RNGTT: variants seen among roughly 807,000 people sequenced by gnomAD.
RNGTT encodes the protein mRNA-capping enzyme.
RNGTT carries 33 observed loss-of-function variants against 79.3 expected under a neutral mutation model. The ratio of observed to expected loss-of-function variants is 0.42; its 90% CI spans 0.32 to 0.56. The LOEUF is 0.56. Among genes scored for constraint, RNGTT ranks in the 20% least tolerant of loss-of-function variants. The pLI is 0.17. For synonymous variants in RNGTT, 222 were observed against 235.9 expected, an observed-to-expected ratio of 0.94 and a Z score of 0.54; for missense variants, 497 against 739.1, an observed-to-expected ratio of 0.67 and a Z score of 3.80.
intron 11 of RNGTT, among the ~76,000 whole-genome samples, chr6:88,824,351 T>C (rs1780587292): frequency 6.6e-6 from 1 of 152,210 alleles, no homozygotes; most frequent in African/African-American, 2.4e-5. Context: ...CTGGTAAGTA[T>C]TTATGTATAA....
At chr6:88,728,018 T>G (rs928908856) in intron 13 of RNGTT, among the ~76,000 whole-genome samples, 1 of 152,062 alleles carries the variant, frequency 6.6e-6, no homozygotes, top group Non-Finnish European at 1.5e-5. Flanking sequence ...ATAATGCTGT[T>G]CCTATAGTGG....
intron 14 of RNGTT, among the ~76,000 whole-genome samples, chr6:88,671,841 A>G (rs974352183): frequency 6.6e-6 from 1 of 152,154 alleles, no homozygotes; most frequent in Non-Finnish European, 1.5e-5. Context: ...ACAAATGAAA[A>G]CAGAGTGGGA....
chr6:88,792,337 G>A (rs1779450449), intron 12 of RNGTT, among the ~76,000 whole-genome samples: 1 of 152,064 alleles, frequency 6.6e-6, no homozygotes, highest in African/African-American at 2.4e-5. Context: ...CCTAGTGCAG[G>A]TGAAAAGGAA....
chr6:88,962,752 A>AAT (rs1274716256), intron 1 of RNGTT, among the ~76,000 whole-genome samples: 5 of 151,892 alleles, frequency 3.3e-5, no homozygotes, highest in South Asian at 2.1e-4. Flanking sequence ...ATACATTATA[A>AAT]ATATATATAT....
At chr6:88,888,868 A>G (rs1286710894) in intron 8 of RNGTT, among the ~76,000 whole-genome samples, 2 of 152,140 alleles carry the variant, frequency 1.3e-5, no homozygotes, top group African/African-American at 4.8e-5. Context: ...TGTCTCTACT[A>G]AAAATACAAA....
intron 12 of RNGTT, among the ~76,000 whole-genome samples, chr6:88,797,941 CAAAA>C (rs143559265): frequency 9.1e-5 from 6 of 65,808 alleles, no homozygotes; most frequent in South Asian, 4.8e-4. Context: ...AAGCAAAAGC[CAAAA>C]AAAAAAAAAA....
intron 13 of RNGTT, among the ~76,000 whole-genome samples, chr6:88,747,794 A>G (rs1055127337): frequency 1.3e-5 from 2 of 152,172 alleles, no homozygotes; most frequent in African/African-American, 2.4e-5. Context: ...TCCCTTTCCT[A>G]TGGAGCTATA....
Position 88,781,146 on chromosome 6 carries a change from C to T in RNGTT, c.1339-11272G>A, listed in dbSNP as rs60889347. 9.9e-5 allele frequency among the ~76,000 whole-genome samples: 15 copies of T among 152,272 alleles called. No homozygotes were observed. The East Asian group carries it at 1.5e-3, about 16-fold the overall frequency. ...AGCATTAGTAACGGCAAAGGAGCAA[C>T]GTATTTAGTCCCTCTTTGCCTCTAC... On this transcript the variant is annotated intron_variant, in intron 12 of 15. Coordinates refer to ENST00000369485, the MANE Select transcript of RNGTT (RefSeq NM_003800.5).
intron 12 of RNGTT, among the ~76,000 whole-genome samples, chr6:88,789,944 T>C (rs1467127412): frequency 6.6e-6 from 1 of 152,184 alleles, no homozygotes. Flanking sequence ...CACCACACTA[T>C]AAAAAGTTTC....
At chr6:88,850,790 C>CAT (rs559256951) in intron 9 of RNGTT, among the ~76,000 whole-genome samples, 47 of 151,762 alleles carry the variant, frequency 3.1e-4, no homozygotes, top group Non-Finnish European at 5.9e-4. Flanking sequence ...GTGGATAGGC[C>CAT]AAATGGTATA....
chr6:88,718,512 A>C (rs1776599946), intron 13 of RNGTT, among the ~76,000 whole-genome samples: 1 of 152,162 alleles, frequency 6.6e-6, no homozygotes, highest in African/African-American at 2.4e-5. Flanking sequence ...AATTAAAAAA[A>C]ATAAAGTAGT....
chr6:88,912,388 G>A (rs144936594), intron 4 of RNGTT, among the ~76,000 whole-genome samples: 68 of 152,288 alleles, frequency 4.5e-4, no homozygotes, highest in African/African-American at 1.6e-3. Context: ...TAGCCTGGCT[G>A]ACAGAGTGAG....
chr6:88,917,320 T>TA (rs1784031077), intron 4 of RNGTT, among the ~76,000 whole-genome samples: 2 of 152,012 alleles, frequency 1.3e-5, no homozygotes, highest in African/African-American at 2.4e-5. Flanking sequence ...CAACTCTCAA[T>TA]AAAAAAGGAT....
At chr6:88,859,782 G>C (rs900484613) in intron 8 of RNGTT, among the ~76,000 whole-genome samples, 2 of 152,164 alleles carry the variant, frequency 1.3e-5, no homozygotes, top group African/African-American at 2.4e-5. Context: ...TGTCCTTACA[G>C]AAACTGGGAA....
At chr6:88,778,576 G>T (rs1171251906) in intron 12 of RNGTT, among the ~76,000 whole-genome samples, 1 of 152,154 alleles carries the variant, frequency 6.6e-6, no homozygotes, top group East Asian at 1.9e-4. Context: ...CTGCAGCCTT[G>T]AACTCCTGAG....
intron 14 of RNGTT, among the ~76,000 whole-genome samples, chr6:88,627,947 T>C (rs1239707774): frequency 6.6e-6 from 1 of 152,168 alleles, no homozygotes; most frequent in Non-Finnish European, 1.5e-5. Context: ...CTTTGATATG[T>C]CCAATTGGGT....
intron 13 of RNGTT, among the ~76,000 whole-genome samples, chr6:88,706,457 AC>A (rs1185235755): frequency 6.6e-6 from 1 of 152,080 alleles, no homozygotes; most frequent in Non-Finnish European, 1.5e-5. Flanking sequence ...GATACAAAGA[AC>A]TGGCACTATA....
intron 12 of RNGTT, among the ~76,000 whole-genome samples, chr6:88,773,578 A>C (rs1046408586): frequency 2.0e-5 from 3 of 152,072 alleles, no homozygotes; most frequent in Admixed American, 1.3e-4. Context: ...ACAAAGCTAC[A>C]GTAATCAAAA....
chr6:88,834,779 T>C (rs1382580554), intron 11 of RNGTT, among the ~76,000 whole-genome samples: 2 of 152,040 alleles, frequency 1.3e-5, no homozygotes, highest in Non-Finnish European at 2.9e-5. Flanking sequence ...CTTATAAATT[T>C]ATATTTAGTG....
Sources: gnomAD v4.1 joint callset for allele counts (sites outside exome capture counted in the v4.1 genomes callset) on GRCh38, gnomAD v4.1.1 for gene constraint, MANE v1.5 for transcripts, NCBI Gene and HGNC (gene_info 2026-07-23, HGNC 2026-07-21) for gene names.